The following HS3ST3A1 variants were observed in gnomAD, a reference collection of about 807,000 sequenced individuals.
The protein encoded by HS3ST3A1 is heparan sulfate glucosamine 3-O-sulfotransferase 3A1.
A neutral mutation model predicts 25.7 loss-of-function variants in HS3ST3A1; 19 were observed. The observed-to-expected ratio is 0.74, with a 90% CI of 0.52 to 1.08. HS3ST3A1 has a LOEUF of 1.08. HS3ST3A1 is among the 50% of genes least tolerant of loss of function. The pLI is 0.00. For missense variants in HS3ST3A1, 459 were observed against 594.3 expected, an observed-to-expected ratio of 0.77 and a Z score of 2.37; for synonymous variants, 226 against 278.6, an observed-to-expected ratio of 0.81 and a Z score of 1.88.
chr17:13,601,087 C>A lies in HS3ST3A1; in HGVS notation c.43G>T (p.Glu15Ter), dbSNP rs1365576149. 5 of 1,592,910 alleles carry A rather than the reference C, an allele frequency of 3.1e-6. No homozygotes were observed. Among genetic ancestry groups the A allele is most frequent in the African/African-American group, 1.4e-5 (1 of 73,674 alleles). Residue 15 changes from glutamate to a stop codon, truncating the protein, a stop_gained, in exon 1 of 2, where the codon GAG becomes TAG. Coordinates refer to ENST00000284110, the MANE Select transcript of HS3ST3A1 (RefSeq NM_006042.3). LOFTEE classifies it high-confidence loss of function. The stretch of plus-strand genomic sequence containing the variant: ...CGGAAGATGCTGCGGGACAGCGGCT[C>A]GGCCGAGGTGGAGAGGGCACTGGCC... ...GPASALSTSA[E>*]PLSRSIFRKF...
At chr17:13,565,424 C>T (rs1205312570) in intron 1 of HS3ST3A1, among the ~76,000 whole-genome samples, 1 of 152,066 alleles carries the variant, frequency 6.6e-6, no homozygotes, top group East Asian at 1.9e-4. Context: ...CCCAGCTACT[C>T]CAGAGGCTGA....
intron 1 of HS3ST3A1, among the ~76,000 whole-genome samples, chr17:13,536,420 A>G (rs925849700): frequency 1.3e-5 from 2 of 152,210 alleles, no homozygotes; most frequent in African/African-American, 4.8e-5. Flanking sequence ...CTTTTGCTCT[A>G]TAAGACAATG....
chr17:13,551,101 A>G (rs946323332), intron 1 of HS3ST3A1, among the ~76,000 whole-genome samples: 16 of 151,130 alleles, frequency 1.1e-4, no homozygotes, highest in African/African-American at 3.7e-4. Flanking sequence ...ATTCAAAAAA[A>G]TCTATAACGA....
intron 1 of HS3ST3A1, among the ~76,000 whole-genome samples, chr17:13,571,456 G>A (rs1598429513): frequency 2.6e-5 from 4 of 152,240 alleles, no homozygotes; most frequent in African/African-American, 4.8e-5. Context: ...GAAGAAAATC[G>A]CTTTCTGAGG....
chr17:13,566,201 T>C (rs1011678701), intron 1 of HS3ST3A1, among the ~76,000 whole-genome samples: 27 of 152,234 alleles, frequency 1.8e-4, no homozygotes, highest in Non-Finnish European at 3.4e-4. Context: ...TTTTGGTATT[T>C]TTCTCAATAT....
intron 1 of HS3ST3A1, among the ~76,000 whole-genome samples, chr17:13,577,813 T>A (rs1320383656): frequency 6.6e-6 from 1 of 152,190 alleles, no homozygotes; most frequent in East Asian, 1.9e-4. Flanking sequence ...AGGCCCCAGC[T>A]TTTAAGTCTA....
intron 1 of HS3ST3A1, among the ~76,000 whole-genome samples, chr17:13,578,470 G>A (rs1455188803): frequency 6.7e-6 from 1 of 148,334 alleles, no homozygotes; most frequent in Non-Finnish European, 1.5e-5. Flanking sequence ...AGTGCAGGTA[G>A]AAGAATCACT....
Position 13,585,844 on chromosome 17 carries a change from T to C in HS3ST3A1, c.599+14687A>G, listed in dbSNP as rs1196236677. Among the ~76,000 whole-genome samples, 223 of 125,298 alleles carry C rather than the reference T, an allele frequency of 1.8e-3. 22 individuals carry two copies. Among genetic ancestry groups the C allele is most frequent in the African/African-American group, 6.5e-3 (202 of 31,022 alleles). 82.2% of individuals were successfully genotyped at this position (125,298 alleles called of 152,430 possible). A position where few individuals can be genotyped will look rare whatever the true frequency, so the allele number is the denominator to read the frequency against. ...ACCTGTTATTCCTCCTTCTGCGTTT[T>C]TTTTTTTTTTTTTTTTTTTTTTTCT... On this transcript the variant is annotated intron_variant, in intron 1 of 1. Transcript: ENST00000284110.
intron 1 of HS3ST3A1, among the ~76,000 whole-genome samples, chr17:13,568,723 ATCC>A (rs914673009): frequency 8.5e-5 from 13 of 152,078 alleles, no homozygotes; most frequent in African/African-American, 2.9e-4. Flanking sequence ...TGTGTTTCCC[ATCC>A]TCAATTGTGG....
At chr17:13,587,199 T>C (rs1180242986) in intron 1 of HS3ST3A1, among the ~76,000 whole-genome samples, 1 of 151,954 alleles carries the variant, frequency 6.6e-6, no homozygotes, top group African/African-American at 2.4e-5. Flanking sequence ...TTCACGCCTG[T>C]AATCCCAGCA....
intron 1 of HS3ST3A1, among the ~76,000 whole-genome samples, chr17:13,570,211 G>A (rs1303916604): frequency 2.7e-5 from 4 of 147,712 alleles, no homozygotes; most frequent in South Asian, 2.1e-4. Flanking sequence ...GACGTAAATC[G>A]TACTCAATGC....
At chr17:13,591,558 T>C (rs866006367) in intron 1 of HS3ST3A1, among the ~76,000 whole-genome samples, 5 of 152,320 alleles carry the variant, frequency 3.3e-5, no homozygotes, top group Middle Eastern at 3.4e-3. Flanking sequence ...TTTTAGTTAT[T>C]CCATAATAGG....
chr17:13,532,085 T>C (rs1906622213), intron 1 of HS3ST3A1, among the ~76,000 whole-genome samples: 2 of 152,158 alleles, frequency 1.3e-5, no homozygotes, highest in Admixed American at 1.3e-4. Context: ...AAATCAAGGC[T>C]CTTTGCAAGC....
At chr17:13,559,500 CAT>C (rs548582264) in intron 1 of HS3ST3A1, among the ~76,000 whole-genome samples, 1 of 148,776 alleles carries the variant, frequency 6.7e-6, no homozygotes, top group South Asian at 2.1e-4. Context: ...AATTATATAA[CAT>C]ATTACATTAA....
chr17:13,570,285 T>C (rs1353947828), intron 1 of HS3ST3A1, among the ~76,000 whole-genome samples: 2 of 146,916 alleles, frequency 1.4e-5, no homozygotes, highest in Non-Finnish European at 2.9e-5. Flanking sequence ...TGACTCGTTG[T>C]TTCCTTCTTG....
intron 1 of HS3ST3A1, among the ~76,000 whole-genome samples, chr17:13,515,471 G>GTTTTTTTT (rs33924561): frequency 1.6e-4 from 17 of 107,788 alleles, no homozygotes; most frequent in African/African-American, 3.3e-4. Context: ...GTTTGTTTCA[G>GTTTTTTTT]TTTTTTTTTT....
At chr17:13,545,088 T>C (rs1907046762) in intron 1 of HS3ST3A1, among the ~76,000 whole-genome samples, 1 of 152,204 alleles carries the variant, frequency 6.6e-6, no homozygotes, top group African/African-American at 2.4e-5. Context: ...GTAACTGGCA[T>C]GTGCGCTTGT....
At chr17:13,559,473 T>C (rs962683688) in intron 1 of HS3ST3A1, among the ~76,000 whole-genome samples, 5 of 150,014 alleles carry the variant, frequency 3.3e-5, no homozygotes, top group African/African-American at 1.2e-4. Flanking sequence ...TATATTTTAA[T>C]GTTCTATATA....
At chr17:13,538,427 C>G (rs1423674375) in intron 1 of HS3ST3A1, among the ~76,000 whole-genome samples, 2 of 152,200 alleles carry the variant, frequency 1.3e-5, no homozygotes, top group East Asian at 3.9e-4. Context: ...ATTCATTCCG[C>G]TTACCCCGGT....
Sources: gnomAD v4.1 joint callset for allele counts (sites outside exome capture counted in the v4.1 genomes callset) on GRCh38, gnomAD v4.1.1 for gene constraint, MANE v1.5 for transcripts, NCBI Gene and HGNC (gene_info 2026-07-23, HGNC 2026-07-21) for gene names.